The following DLG2 variants were observed in gnomAD, a reference collection of about 807,000 sequenced individuals.
DLG2 encodes the protein discs large MAGUK scaffold protein 2.
A neutral mutation model predicts 132.5 loss-of-function variants in DLG2; 45 were observed. That is an observed-to-expected ratio of 0.34 (90% CI 0.27 to 0.44). The LOEUF (loss-of-function observed/expected upper bound fraction) is 0.44, where lower values mean the gene tolerates loss of function less well. Among genes scored for constraint, DLG2 ranks in the 20% least tolerant of loss-of-function variants. The pLI, the probability that DLG2 is intolerant of heterozygous loss-of-function variation, is 1.00. For missense variants in DLG2, 1,045 were observed against 1,196.9 expected (o/e 0.87, Z 1.87); for synonymous variants, 424 against 419.6 (o/e 1.01, Z -0.13).
At chr11:85,159,190 T>C (rs2077840840) in intron 4 of DLG2, among the ~76,000 whole-genome samples, 1 of 152,204 alleles carries the variant, frequency 6.6e-6, no homozygotes, top group Admixed American at 6.5e-5. Context: ...AAGGTCATTG[T>C]GGTCCTCCAG....
intron 3 of DLG2, among the ~76,000 whole-genome samples, chr11:85,559,176 G>T (rs1358267918): frequency 1.3e-5 from 2 of 148,604 alleles, no homozygotes; most frequent in East Asian, 2.0e-4. Context: ...TTTTGAGACG[G>T]TGTCTTGCTC....
intron 6 of DLG2, among the ~76,000 whole-genome samples, chr11:84,559,615 A>G (rs2099419274): frequency 6.6e-6 from 1 of 152,142 alleles, no homozygotes; most frequent in Admixed American, 6.5e-5. Flanking sequence ...AGAATCTCAG[A>G]GGAATTGTAA....
chr11:83,578,981 A>C (rs1342694297), intron 19 of DLG2, among the ~76,000 whole-genome samples: 1 of 152,110 alleles, frequency 6.6e-6, no homozygotes, highest in Non-Finnish European at 1.5e-5. Context: ...TTGCTTCCCC[A>C]CTGTGTTTTC....
intron 7 of DLG2, among the ~76,000 whole-genome samples, chr11:84,516,364 G>A (rs977513873): frequency 6.6e-6 from 1 of 151,310 alleles, no homozygotes; most frequent in Non-Finnish European, 1.5e-5. Flanking sequence ...AGAAGACTCA[G>A]ATAAAGTCAA....
chr11:85,083,493 G>C (rs2067505350), intron 6 of DLG2, among the ~76,000 whole-genome samples: 1 of 152,176 alleles, frequency 6.6e-6, no homozygotes, highest in African/African-American at 2.4e-5. Context: ...AGGAGGTCCT[G>C]AGAACATGTG....
intron 6 of DLG2, among the ~76,000 whole-genome samples, chr11:84,885,360 G>T (rs542655989): frequency 1.3e-5 from 2 of 152,152 alleles, no homozygotes; most frequent in South Asian, 4.1e-4. Context: ...AAGAGATGGG[G>T]TCTTGCTCTG....
chr11:84,303,612 A>G (rs1168055957), intron 7 of DLG2, among the ~76,000 whole-genome samples: 1 of 152,170 alleles, frequency 6.6e-6, no homozygotes, highest in Non-Finnish European at 1.5e-5. Flanking sequence ...TTCCTCTCAA[A>G]CTATAGTACT....
chr11:85,130,298 AT>A (rs1318190942), intron 5 of DLG2, among the ~76,000 whole-genome samples: 1 of 152,324 alleles, frequency 6.6e-6, no homozygotes, highest in East Asian at 1.9e-4. Flanking sequence ...CCCTCTGCTC[AT>A]TAATCTTCTT....
At chr11:85,190,197 A>G (rs1224468866) in intron 4 of DLG2, among the ~76,000 whole-genome samples, 1 of 152,202 alleles carries the variant, frequency 6.6e-6, no homozygotes, top group Non-Finnish European at 1.5e-5. Flanking sequence ...TACCTCCCAA[A>G]ACACTTCCTT....
intron 17 of DLG2, among the ~76,000 whole-genome samples, chr11:83,807,501 T>C (rs557289892): frequency 1.3e-5 from 2 of 152,090 alleles, no homozygotes; most frequent in South Asian, 2.1e-4. Context: ...ATTCAGTAGA[T>C]AAAAACATCA....
intron 18 of DLG2, among the ~76,000 whole-genome samples, chr11:83,783,549 A>C (rs2094922376): frequency 6.6e-6 from 1 of 152,178 alleles, no homozygotes; most frequent in Non-Finnish European, 1.5e-5. Context: ...ATTACCTTCA[A>C]GTGAAAACTC....
chr11:84,389,253 G>A (rs974858152), intron 7 of DLG2, among the ~76,000 whole-genome samples: 1 of 151,990 alleles, frequency 6.6e-6, no homozygotes, highest in Non-Finnish European at 1.5e-5. Flanking sequence ...GAGATTTCCA[G>A]ACTTGGGTAC....
intron 3 of DLG2, among the ~76,000 whole-genome samples, chr11:85,331,348 C>T (rs1448698803): frequency 6.6e-6 from 1 of 152,206 alleles, no homozygotes; most frequent in Non-Finnish European, 1.5e-5. Flanking sequence ...TGCATATTCA[C>T]TTTTAAAGAT....
At chr11:85,151,382 G>T (rs1566939632) in intron 5 of DLG2, among the ~76,000 whole-genome samples, 5 of 139,156 alleles carry the variant, frequency 3.6e-5, no homozygotes, top group Non-Finnish European at 4.8e-5. Flanking sequence ...AGTACAATTT[G>T]TTTTTTTTTT....
In DLG2 at chr11:84,273,061, G is replaced by T. The variant is rs756358821; in HGVS notation, c.520-21770C>A. The stretch of plus-strand genomic sequence containing the variant: ...AATAACTATGATCATCAAATGCACA[G>T]AATTTATACATTTCTCTATAGATAC... On this transcript the variant is annotated intron_variant, in intron 7 of 27. Coordinates refer to ENST00000376104, the MANE Select transcript of DLG2 (RefSeq NM_001142699.3). 4 of 1,145,028 alleles carry T rather than the reference G, an allele frequency of 3.5e-6. No homozygotes were observed. The African/African-American group carries it at 4.8e-5, about 14-fold the overall frequency. The allele number at this position is 1,145,028 out of a possible 1,614,324, so 70.9% of individuals were successfully genotyped here.
chr11:83,707,717 T>C (rs2084374096), intron 18 of DLG2, among the ~76,000 whole-genome samples: 1 of 152,120 alleles, frequency 6.6e-6, no homozygotes, highest in African/African-American at 2.4e-5. Context: ...AACAAACAAG[T>C]GCACAATGCT....
chr11:83,481,881 T>C (rs1169228744), intron 22 of DLG2, among the ~76,000 whole-genome samples: 1 of 152,134 alleles, frequency 6.6e-6, no homozygotes, highest in Non-Finnish European at 1.5e-5. Flanking sequence ...AAACAAACAT[T>C]TGCATATTCT....
In DLG2 at chr11:85,155,436, G is replaced by A. The variant is rs1162336627; in HGVS notation, c.187-785C>T. Reference sequence around the variant, plus strand: ...CACAGTTCTTGAGAGTGACAAGGATGGAATTCTGACAGATTCATAGTGTTC... The same window carrying A: ...CACAGTTCTTGAGAGTGACAAGGATAGAATTCTGACAGATTCATAGTGTTC... On this transcript the variant is annotated intron_variant, in intron 4 of 27. Transcript: ENST00000376104. 2.0e-5 allele frequency among the ~76,000 whole-genome samples: 3 copies of A among 152,176 alleles called. No individual in the cohort carries two copies. In the East Asian group the frequency reaches 5.8e-4, roughly 29 times the overall value.
At chr11:85,058,093 G>A (rs1284787189) in intron 6 of DLG2, among the ~76,000 whole-genome samples, 1 of 151,260 alleles carries the variant, frequency 6.6e-6, no homozygotes, top group Non-Finnish European at 1.5e-5. Context: ...AAAATTAGAA[G>A]AGACCAAATA....
Sources: allele counts gnomAD v4.1 joint callset (sites outside exome capture counted in the v4.1 genomes callset), GRCh38; gene constraint gnomAD v4.1.1; transcripts MANE v1.5; gene names NCBI Gene and HGNC (gene_info 2026-07-23, HGNC 2026-07-21).